Variants in ANO4 observed in about 807,000 individuals in gnomAD.
ANO4 encodes the protein anoctamin 4.
In ANO4, 69 loss-of-function variants were observed where a neutral mutation model predicts 141.9. The ratio of observed to expected loss-of-function variants is 0.49; its 90% CI spans 0.40 to 0.59. The LOEUF (loss-of-function observed/expected upper bound fraction) is 0.59. ANO4 is among the 20% of genes least tolerant of loss of function. The pLI is 0.00. For missense variants in ANO4, 894 were observed against 1,162.2 expected (o/e 0.77, Z 3.36); for synonymous variants, 350 against 394.3 (o/e 0.89, Z 1.33).
At chr12:100,960,196 A>AC (rs1365541417) in intron 5 of ANO4, among the ~76,000 whole-genome samples, 1 of 151,964 alleles carries the variant, frequency 6.6e-6, no homozygotes, top group African/African-American at 2.4e-5. Flanking sequence ...CACACTAGTG[A>AC]CCCCCACAGA....
chr12:100,791,847 A>C (rs1471432921), upstream of ANO4, among the ~76,000 whole-genome samples: 1 of 152,220 alleles, frequency 6.6e-6, no homozygotes, highest in Non-Finnish European at 1.5e-5. Context: ...AGGCCTGGAA[A>C]GATAGGTGGA....
chr12:100,981,134 G>A (rs1371859246), intron 7 of ANO4, among the ~76,000 whole-genome samples: 1 of 152,098 alleles, frequency 6.6e-6, no homozygotes, highest in Non-Finnish European at 1.5e-5. Flanking sequence ...ACAGGCAAAA[G>A]GACAAAATGG....
chr12:100,805,496 T>C (rs140093846), intron 1 of ANO4, among the ~76,000 whole-genome samples: 3 of 152,236 alleles, frequency 2.0e-5, no homozygotes, highest in African/African-American at 7.2e-5. Context: ...AGAATGTCAA[T>C]GGTAGTTTAA....
At chr12:100,942,121 C>T (rs2042547486) in intron 4 of ANO4, among the ~76,000 whole-genome samples, 1 of 151,882 alleles carries the variant, frequency 6.6e-6, no homozygotes. Context: ...GCTGGAACTA[C>T]AGGCACACGC....
intron 1 of ANO4, among the ~76,000 whole-genome samples, chr12:100,872,574 TCTC>T (rs1214305543): frequency 3.9e-5 from 6 of 152,224 alleles, no homozygotes; most frequent in Admixed American, 3.3e-4. Context: ...AGTACAATTA[TCTC>T]CTCCTTTAGC....
At chr12:100,772,835 G>A (rs901759668) in intron 3 of ANO4, among the ~76,000 whole-genome samples, 2 of 152,116 alleles carry the variant, frequency 1.3e-5, no homozygotes. Flanking sequence ...TGATGTGTAA[G>A]GAAGATGTAA....
chr12:100,834,269 G>A (rs1179911537), intron 1 of ANO4, among the ~76,000 whole-genome samples: 1 of 152,120 alleles, frequency 6.6e-6, no homozygotes, highest in Non-Finnish European at 1.5e-5. Flanking sequence ...GTTAGTGGAA[G>A]GATCTGCCCT....
chr12:100,783,633 G>A (rs914260517), intron 3 of ANO4, among the ~76,000 whole-genome samples: 1 of 152,158 alleles, frequency 6.6e-6, no homozygotes, highest in East Asian at 1.9e-4. Context: ...AATGTGGGGT[G>A]TAGGTTTATA....
intron 24 of ANO4, among the ~76,000 whole-genome samples, chr12:101,115,446 C>T (rs2050815595): frequency 6.6e-6 from 1 of 151,500 alleles, no homozygotes; most frequent in Non-Finnish European, 1.5e-5. Flanking sequence ...AGAGCAAGGC[C>T]CTGTCTCAGA....
intron 2 of ANO4, among the ~76,000 whole-genome samples, chr12:100,902,658 G>A (rs2040648558): frequency 6.6e-6 from 1 of 152,190 alleles, no homozygotes. Flanking sequence ...CTCTACTCAT[G>A]TCACACCACC....
intron 7 of ANO4, among the ~76,000 whole-genome samples, chr12:100,982,807 G>A (rs2044536338): frequency 6.6e-6 from 1 of 152,164 alleles, no homozygotes; most frequent in Non-Finnish European, 1.5e-5. Flanking sequence ...TATACTAAAG[G>A]TTATCATTAA....
intron 1 of ANO4, among the ~76,000 whole-genome samples, chr12:100,726,685 A>G (rs1439248774): frequency 2.0e-5 from 3 of 152,230 alleles, no homozygotes; most frequent in Non-Finnish European, 4.4e-5. Flanking sequence ...GCAGGGTGGT[A>G]GAGAACAGTA....
At chr12:100,871,173 GA>G in intron 1 of ANO4, among the ~76,000 whole-genome samples, 1 of 152,254 alleles carries the variant, frequency 6.6e-6, no homozygotes, top group Non-Finnish European at 1.5e-5. Context: ...GTTCCTCAAA[GA>G]AAGAAGGTCA....
At chr12:101,077,219 G>A (rs1442539347) in intron 14 of ANO4, among the ~76,000 whole-genome samples, 2 of 152,172 alleles carry the variant, frequency 1.3e-5, no homozygotes, top group Non-Finnish European at 2.9e-5. Flanking sequence ...CACATGTGTT[G>A]TCACAGCTCA....
At chr12:100,761,378 T>G (rs1313570169) in intron 3 of ANO4, among the ~76,000 whole-genome samples, 1 of 152,152 alleles carries the variant, frequency 6.6e-6, no homozygotes. Flanking sequence ...CAGCTAAGAT[T>G]TATCATAACA....
intron 2 of ANO4, among the ~76,000 whole-genome samples, chr12:100,913,158 T>C (rs570271666): frequency 3.3e-5 from 5 of 152,280 alleles, no homozygotes; most frequent in African/African-American, 9.6e-5. Context: ...GAGGGACATA[T>C]ACACACACAT....
rs192968937 is a variant in ANO4, at chr12:100,836,710, A to G, written c.-141+41683A>G. 3.3e-3 allele frequency among the ~76,000 whole-genome samples: 497 copies of G among 152,246 alleles called. 3 individuals are homozygous for G. The highest frequency in any genetic ancestry group is 0.012 in the African/African-American group (484 of 41,552). ...GGAGTTTTTCTTCAAATGGAGGAAA[A>G]GGAAAAGGGATTCTAGGTGAAGGGA... On this transcript the variant is annotated intron_variant, in intron 1 of 27. Transcript: ENST00000392977.
chr12:101,003,793 CATT>C (rs2045755294), intron 8 of ANO4, among the ~76,000 whole-genome samples: 1 of 151,964 alleles, frequency 6.6e-6, no homozygotes, highest in Admixed American at 6.6e-5. Context: ...TGAATATTCT[CATT>C]AGAAGGAAAT....
intron 1 of ANO4, among the ~76,000 whole-genome samples, chr12:100,866,891 T>C (rs1037884373): frequency 6.6e-6 from 1 of 152,198 alleles, no homozygotes; most frequent in Non-Finnish European, 1.5e-5. Flanking sequence ...TTTGAATGCA[T>C]ATACTAAATT....
Sources: gnomAD v4.1 joint callset for allele counts (sites outside exome capture counted in the v4.1 genomes callset) on GRCh38, gnomAD v4.1.1 for gene constraint, MANE v1.5 for transcripts, NCBI Gene and HGNC (gene_info 2026-07-23, HGNC 2026-07-21) for gene names.